The following RAD51B variants were observed in gnomAD, a reference collection of about 807,000 sequenced individuals.
RAD51B encodes RAD51 paralog B, also known as DNA repair protein RAD51 homolog 2.
Under a neutral mutation model 42.2 loss-of-function variants are expected in RAD51B, and 38 were observed. That is an observed-to-expected ratio of 0.90 (90% CI 0.70 to 1.18). The LOEUF (loss-of-function observed/expected upper bound fraction) is 1.18. RAD51B is among the 50% of genes most tolerant of loss of function. The probability of loss-of-function intolerance (pLI) is 0.00; values close to 1 mark genes in which losing one functional copy is unlikely to be tolerated. For missense variants in RAD51B, 373 were observed against 400.7 expected (o/e 0.93, Z 0.59); for synonymous variants, 154 against 145.2 (o/e 1.06, Z -0.43).
At chr14:68,609,257 T>C (rs1035440346) in intron 10 of RAD51B, among the ~76,000 whole-genome samples, 1 of 151,992 alleles carries the variant, frequency 6.6e-6, no homozygotes, top group African/African-American at 2.4e-5. Flanking sequence ...CCAGAGGAGG[T>C]GCGGCTGCAG....
intron 7 of RAD51B, among the ~76,000 whole-genome samples, chr14:68,256,878 T>A (rs2080764881): frequency 6.6e-6 from 1 of 152,178 alleles, no homozygotes. Context: ...GATTTATTCA[T>A]ATAAGGGATA....
At chr14:68,449,642 A>G (rs964923303) in intron 9 of RAD51B, among the ~76,000 whole-genome samples, 1 of 152,192 alleles carries the variant, frequency 6.6e-6, no homozygotes, top group Non-Finnish European at 1.5e-5. Flanking sequence ...GAGATCCTGC[A>G]GCTGTGCCTG....
chr14:68,626,323 G>C (rs1566958666), intron 10 of RAD51B, among the ~76,000 whole-genome samples: 1 of 152,210 alleles, frequency 6.6e-6, no homozygotes, highest in Non-Finnish European at 1.5e-5. Flanking sequence ...CTATCAGGAG[G>C]TCCTCTCCTA....
intron 8 of RAD51B, among the ~76,000 whole-genome samples, chr14:68,330,618 G>T (rs2082329054): frequency 6.6e-6 from 1 of 152,080 alleles, no homozygotes; most frequent in Non-Finnish European, 1.5e-5. Flanking sequence ...ATTCTGCCCA[G>T]GAGTTACTTC....
intron 7 of RAD51B, among the ~76,000 whole-genome samples, chr14:68,247,845 T>C (rs1410179994): frequency 6.6e-6 from 1 of 152,164 alleles, no homozygotes; most frequent in South Asian, 2.1e-4. Context: ...CATATACATA[T>C]AAATGGCAGA....
intron 7 of RAD51B, among the ~76,000 whole-genome samples, chr14:68,016,291 G>A (rs758112744): frequency 1.2e-4 from 18 of 151,964 alleles, no homozygotes; most frequent in Non-Finnish European, 2.2e-4. Flanking sequence ...GGAGTCTCTG[G>A]GGGTAAAAAG....
chr14:68,465,940 C>CAAAAAAAA (rs59348577), intron 9 of RAD51B, among the ~76,000 whole-genome samples: 3 of 129,308 alleles, frequency 2.3e-5, no homozygotes, highest in African/African-American at 6.4e-5. Context: ...GACTCTGTCT[C>CAAAAAAAA]AAAAAAAAAA....
chr14:67,884,630 C>A (rs1027855324), intron 5 of RAD51B, among the ~76,000 whole-genome samples: 25 of 152,156 alleles, frequency 1.6e-4, no homozygotes, highest in Admixed American at 1.6e-3. Context: ...TCCCTTACCT[C>A]ATTTCCTTCT....
At chr14:67,879,197 A>G (rs2042826975) in intron 5 of RAD51B, among the ~76,000 whole-genome samples, 1 of 152,252 alleles carries the variant, frequency 6.6e-6, no homozygotes, top group South Asian at 2.1e-4. Flanking sequence ...GCTGTAGTCC[A>G]TAGGTGGAAT....
intron 10 of RAD51B, among the ~76,000 whole-genome samples, chr14:68,533,939 G>A (rs1366541079): frequency 2.0e-5 from 3 of 152,208 alleles, no homozygotes; most frequent in Non-Finnish European, 4.4e-5. Context: ...GGGCAAAGGC[G>A]TGTAAGGCAG....
At chr14:68,207,168 T>C (rs1274648) in intron 7 of RAD51B, among the ~76,000 whole-genome samples, 23,389 of 152,180 alleles carry the variant, frequency 0.15, 1,919 homozygotes, top group Middle Eastern at 0.34. Context: ...TTGAGGTATC[T>C]TGGCTCTTGG....
intron 4 of RAD51B, among the ~76,000 whole-genome samples, chr14:67,846,755 TG>T (rs2041630009): frequency 6.6e-6 from 1 of 152,152 alleles, no homozygotes; most frequent in Non-Finnish European, 1.5e-5. Context: ...CCATTTCACA[TG>T]CAAGACCACC....
chr14:68,494,585 C>T (rs1181110578), intron 10 of RAD51B, among the ~76,000 whole-genome samples: 1 of 152,188 alleles, frequency 6.6e-6, no homozygotes, highest in Non-Finnish European at 1.5e-5. Flanking sequence ...TTTCTTTCCA[C>T]TGTAAGCTGC....
At chr14:68,161,936 T>A (rs2078647756) in intron 7 of RAD51B, among the ~76,000 whole-genome samples, 1 of 152,214 alleles carries the variant, frequency 6.6e-6, no homozygotes, top group African/African-American at 2.4e-5. Context: ...GTCACAACTG[T>A]GCACAGAGGT....
intron 10 of RAD51B, among the ~76,000 whole-genome samples, chr14:68,530,237 A>T (rs1189260427): frequency 1.3e-5 from 2 of 152,012 alleles, no homozygotes; most frequent in Non-Finnish European, 2.9e-5. Flanking sequence ...TGAGCCCAGG[A>T]GTTCAAGACT....
chr14:68,206,672 G>A (rs1274646), intron 7 of RAD51B, among the ~76,000 whole-genome samples: 25,931 of 149,938 alleles, frequency 0.17, 2,369 homozygotes, highest in Middle Eastern at 0.36. Context: ...TATCTCCACC[G>A]TCTATTTTTT....
In RAD51B at chr14:68,200,467, G is replaced by GA. The variant is rs2079460125; in HGVS notation, c.757-91413dup. 2.6e-5 allele frequency among the ~76,000 whole-genome samples: 4 copies of GA among 152,240 alleles called. No individual in the cohort carries two copies. In the South Asian group the frequency reaches 8.3e-4, roughly 32 times the overall value. ...AAAATGTGCATAACATTTTACTATG[G>GA]AAAATTCTTGAACAGAGCAAAAAAT... is the stretch of plus-strand genomic sequence containing the variant. On this transcript the variant is annotated intron_variant, in intron 7 of 10. Coordinates refer to ENST00000471583, the MANE Select transcript of RAD51B (RefSeq NM_133510.4).
chr14:68,365,754 A>G (rs1265541772), intron 8 of RAD51B, among the ~76,000 whole-genome samples: 1 of 152,160 alleles, frequency 6.6e-6, no homozygotes, highest in Non-Finnish European at 1.5e-5. Flanking sequence ...TATATTTTTA[A>G]CCTGTCTTTT....
At chr14:68,159,070 T>A (rs1221610514) in intron 7 of RAD51B, among the ~76,000 whole-genome samples, 2 of 152,124 alleles carry the variant, frequency 1.3e-5, no homozygotes, top group Non-Finnish European at 1.5e-5. Flanking sequence ...ACAGGGAAAC[T>A]AATGCTCCCA....
Sources: gnomAD v4.1 joint callset for allele counts (sites outside exome capture counted in the v4.1 genomes callset) on GRCh38, gnomAD v4.1.1 for gene constraint, MANE v1.5 for transcripts, NCBI Gene and HGNC (gene_info 2026-07-23, HGNC 2026-07-21) for gene names.